HAUS8: variants seen among roughly 807,000 people sequenced by gnomAD.
HAUS8 encodes HAUS augmin-like complex subunit 8.
HAUS8 carries 38 observed loss-of-function variants against 42.9 expected under a neutral mutation model. The ratio of observed to expected loss-of-function variants is 0.89; its 90% CI spans 0.68 to 1.16. The LOEUF (loss-of-function observed/expected upper bound fraction) is 1.16, where lower values mean the gene tolerates loss of function less well. Among genes scored for constraint, HAUS8 ranks in the 50% most tolerant of loss-of-function variants. The probability of loss-of-function intolerance (pLI) is 0.00; values close to 1 mark genes in which losing one functional copy is unlikely to be tolerated. For missense variants in HAUS8, 494 were observed against 511.6 expected (o/e 0.97, Z 0.33); for synonymous variants, 199 against 205.8 (o/e 0.97, Z 0.28).
In HAUS8 at chr19:17,059,644, G is replaced by A. The variant is rs1418334023; in HGVS notation, c.333C>T (p.Ser111=). The change falls in exon 6 of 11, where the codon AGC becomes AGT. Residue 111 remains serine (S), a synonymous_variant. Transcript: ENST00000253669. ...DLDLSAINDK[S]IVKKTPQLAK... ...CTAACTGTGGCGTCTTTTTGACGAT[G>A]CTTTTGTCTAAGATAAAGCACAGCA... 1 of 1,611,856 alleles carries A rather than the reference G, an allele frequency of 6.2e-7. No homozygotes were observed. The highest frequency in any genetic ancestry group is 1.7e-5 in the Admixed American group (1 of 59,964).
chr19:17,060,080 C>T lies in HAUS8; in HGVS notation c.242G>A (p.Gly81Glu), dbSNP rs2057350992. ...GGACTGCAGGTCACCCTTTCCGACC[C>T]CACTGCTATCTGCTGTTAAGAAAAG... ...LLQKSKADSS[G>E]VGKGDLQSTL... The change falls in exon 5 of 11, where the codon GGG becomes GAG. Residue 81 changes from glycine (G) to glutamate (E), a missense_variant. Coordinates refer to ENST00000253669, the MANE Select transcript of HAUS8 (RefSeq NM_033417.2). 6.2e-7 allele frequency: 1 copy of T among 1,609,962 alleles called. No individual in the cohort carries two copies. Among genetic ancestry groups the T allele is most frequent in the Non-Finnish European group, 8.5e-7 (1 of 1,176,326 alleles).
chr19:17,066,025 G>C (rs1304885440), intron 3 of HAUS8, among the ~76,000 whole-genome samples: 1 of 151,656 alleles, frequency 6.6e-6, no homozygotes. Flanking sequence ...GGAGTGCAGT[G>C]GCTCACTGCA....
chr19:17,072,338 C>CTTTTTT (rs71180355), intron 2 of HAUS8, among the ~76,000 whole-genome samples: 26 of 87,532 alleles, frequency 3.0e-4, no homozygotes, highest in East Asian at 6.6e-4. Flanking sequence ...CGAGCATTTC[C>CTTTTTT]TTTTTTTTTT....
At chr19:17,060,245 A>C (rs1426074862) in intron 4 of HAUS8, 153 bp from the exon 5 acceptor site, 2 of 510,708 alleles carry the variant, frequency 3.9e-6, no homozygotes, top group Non-Finnish European at 3.5e-6. Context: ...AAAAAAAAAA[A>C]AACCTGTGGA....
At chr19:17,069,387 G>A (rs910551572) in intron 2 of HAUS8, among the ~76,000 whole-genome samples, 2 of 151,716 alleles carry the variant, frequency 1.3e-5, no homozygotes, top group Admixed American at 6.6e-5. Flanking sequence ...ACAAGCGGGA[G>A]GGAAAGAAGA....
At chr19:17,065,572 G>A (rs2057382633) in intron 3 of HAUS8, among the ~76,000 whole-genome samples, 2 of 152,146 alleles carry the variant, frequency 1.3e-5, no homozygotes, top group Non-Finnish European at 2.9e-5. Context: ...GCTCATGCCT[G>A]TAATCCCAGC....
chr19:17,050,254 C>A, intron 10 of HAUS8, 78 bp from the exon 11 acceptor site: 1 of 1,155,562 alleles, frequency 8.7e-7, no homozygotes, highest in East Asian at 2.9e-5. Context: ...GGAGGGCTGC[C>A]ACACGGGGAG....
chr19:17,054,498 A>G (rs924877340), intron 9 of HAUS8, among the ~76,000 whole-genome samples: 3 of 152,068 alleles, frequency 2.0e-5, no homozygotes, highest in African/African-American at 7.2e-5. Context: ...CTACAAAAAA[A>G]AATATAATAA....
At chr19:17,059,003 T>G in intron 6 of HAUS8, 127 bp from the exon 7 acceptor site, 4 of 714,630 alleles carry the variant, frequency 5.6e-6, no homozygotes, top group South Asian at 1.8e-5. Context: ...GGTAGTTCTC[T>G]ACTGTAGTGG....
Position 17,052,937 on chromosome 19 carries a change from G to C in HAUS8, c.817C>G (p.Gln273Glu). 6.2e-7 allele frequency: 1 copy of C among 1,614,220 alleles called. No homozygotes were observed. The highest frequency in any genetic ancestry group is 8.5e-7 in the Non-Finnish European group (1 of 1,180,044). ...ACATCAAGTTCTCCCAGGAGGCGCT[G>C]AGTGGTCACCAGTTCATGCTGCAGG... is the stretch of plus-strand genomic sequence containing the variant. ...DALQHELVTT[Q>E]RLLGELDVGD... Residue 273 changes from glutamine to glutamate, a missense_variant, in exon 10 of 11, where the codon CAG (glutamine) becomes GAG (glutamate). Coordinates refer to ENST00000253669, the MANE Select transcript of HAUS8 (RefSeq NM_033417.2).
intron 2 of HAUS8, among the ~76,000 whole-genome samples, chr19:17,070,797 T>C (rs2057416983): frequency 1.3e-5 from 2 of 152,174 alleles, no homozygotes; most frequent in Admixed American, 6.5e-5. Flanking sequence ...AGGCCAGGCG[T>C]AGTGGCTCAC....
At chr19:17,054,641 A>C (rs2057308851) in intron 9 of HAUS8, among the ~76,000 whole-genome samples, 1 of 152,058 alleles carries the variant, frequency 6.6e-6, no homozygotes, top group African/African-American at 2.4e-5. Context: ...GTCTCTACTA[A>C]AAATACAACA....
chr19:17,071,657 CA>C (rs1205497770), intron 2 of HAUS8, among the ~76,000 whole-genome samples: 2 of 152,146 alleles, frequency 1.3e-5, no homozygotes, highest in Non-Finnish European at 2.9e-5. Flanking sequence ...GGTGGGGAAA[CA>C]AAAGCACTTT....
At chr19:17,069,227 T>C in intron 2 of HAUS8, 141 bp from the exon 3 acceptor site, 1 of 717,898 alleles carries the variant, frequency 1.4e-6, no homozygotes, top group Non-Finnish European at 2.5e-6. Context: ...CCACTCCTCC[T>C]GCTCGCCTCT....
chr19:17,067,003 G>A (rs955997587), intron 3 of HAUS8, among the ~76,000 whole-genome samples: 1 of 152,080 alleles, frequency 6.6e-6, no homozygotes. Flanking sequence ...CCAGGAGTTC[G>A]AGACCAGCCT....
At chr19:17,055,559 C>T (rs1432010237) in intron 9 of HAUS8, among the ~76,000 whole-genome samples, 2 of 151,958 alleles carry the variant, frequency 1.3e-5, no homozygotes, top group Admixed American at 6.6e-5. Context: ...GGTCTTGTCA[C>T]CCCCCAACCA....
chr19:17,064,928 T>G (rs998239997), intron 3 of HAUS8, among the ~76,000 whole-genome samples: 4 of 152,106 alleles, frequency 2.6e-5, no homozygotes, highest in Admixed American at 2.0e-4. Context: ...CAAGCCAGAC[T>G]AGAAGAAAAT....
chr19:17,060,253 G>A, intron 4 of HAUS8, 161 bp from the exon 5 acceptor site: 1 of 540,262 alleles, frequency 1.9e-6, no homozygotes, highest in Non-Finnish European at 3.3e-6. Context: ...AAAAACCTGT[G>A]GAAATTCCCA....
chr19:17,056,945 T>A (rs1480088496), intron 8 of HAUS8, among the ~76,000 whole-genome samples: 1 of 152,178 alleles, frequency 6.6e-6, no homozygotes, highest in Non-Finnish European at 1.5e-5. Context: ...TGTGGAGTGA[T>A]CACAGTTCAC....
Sources: gnomAD v4.1 joint callset for allele counts (sites outside exome capture counted in the v4.1 genomes callset) on GRCh38, gnomAD v4.1.1 for gene constraint, MANE v1.5 for transcripts, NCBI Gene and HGNC (gene_info 2026-07-23, HGNC 2026-07-21) for gene names.